Variants in CRB1 observed in about 807,000 individuals in gnomAD.
The protein encoded by CRB1 is protein crumbs homolog 1.
A neutral mutation model predicts 120.0 loss-of-function variants in CRB1; 83 were observed. The observed-to-expected ratio is 0.69, with a 90% CI of 0.58 to 0.83. The LOEUF is 0.83. Ranked by LOEUF, CRB1 falls within the 40% of genes least tolerant of loss-of-function variation. The pLI is 0.00. For missense variants in CRB1, 1,699 were observed against 1,687.6 expected (o/e 1.01, Z -0.12); for synonymous variants, 625 against 612.5 (o/e 1.02, Z -0.30).
chr1:197,311,035 C>A (rs1426638117), intron 1 of CRB1, among the ~76,000 whole-genome samples: 1 of 152,178 alleles, frequency 6.6e-6, no homozygotes, highest in Admixed American at 6.5e-5. Context: ...ACTTAAAAAG[C>A]TAAGCTAACT....
At chr1:197,387,163 T>C (rs1225537690) in intron 5 of CRB1, among the ~76,000 whole-genome samples, 4 of 151,976 alleles carry the variant, frequency 2.6e-5, no homozygotes, top group Non-Finnish European at 5.9e-5. Context: ...AGGGCAGTGG[T>C]GTATTCTGGG....
At chr1:197,260,380 ATCAT>A in the CRB1 span, among the ~76,000 whole-genome samples, 2 of 152,180 alleles carry the variant, frequency 1.3e-5, no homozygotes, top group Admixed American at 1.3e-4. Flanking sequence ...TGTAAGTTAG[ATCAT>A]TCATAAAAAT....
intron 1 of CRB1, among the ~76,000 whole-genome samples, chr1:197,297,404 C>T (rs914699112): frequency 9.2e-5 from 14 of 152,020 alleles, no homozygotes; most frequent in African/African-American, 3.4e-4. Context: ...GAAGGATCCA[C>T]GATGAACCTG....
chr1:197,239,794 T>C, the CRB1 span, among the ~76,000 whole-genome samples: 1 of 150,642 alleles, frequency 6.6e-6, no homozygotes, highest in Non-Finnish European at 1.5e-5. Context: ...ATATATCCAT[T>C]TTAATATCTC....
chr1:197,419,023 A>G (rs1238685973), intron 5 of CRB1, among the ~76,000 whole-genome samples: 1 of 152,206 alleles, frequency 6.6e-6, no homozygotes, highest in Non-Finnish European at 1.5e-5. Context: ...TATTGGCCAA[A>G]ACTTATTGAG....
the CRB1 span, among the ~76,000 whole-genome samples, chr1:197,258,179 A>AT: frequency 2.0e-5 from 3 of 152,158 alleles, no homozygotes; most frequent in Non-Finnish European, 4.4e-5. Flanking sequence ...GTATAATTGG[A>AT]TTTTTTGTAA....
At chr1:197,434,626 G>T (rs985875779) in intron 8 of CRB1, 80 bp from the exon 9 acceptor site, 2 of 1,218,816 alleles carry the variant, frequency 1.6e-6, no homozygotes, top group Non-Finnish European at 2.4e-6. Flanking sequence ...TTAACACAAT[G>T]ATCATTACTA....
chr1:197,331,582 T>G (rs1658858880), intron 2 of CRB1, among the ~76,000 whole-genome samples: 1 of 152,156 alleles, frequency 6.6e-6, no homozygotes, highest in African/African-American at 2.4e-5. Flanking sequence ...GAAATTTTTG[T>G]GGGGCTGGCT....
intron 5 of CRB1, among the ~76,000 whole-genome samples, chr1:197,378,761 T>A (rs1316203166): frequency 6.6e-6 from 1 of 152,234 alleles, no homozygotes; most frequent in Non-Finnish European, 1.5e-5. Flanking sequence ...TACTCTCTAC[T>A]GATAAAACTG....
intron 1 of CRB1, among the ~76,000 whole-genome samples, chr1:197,292,975 G>A (rs1291843599): frequency 1.3e-5 from 2 of 152,034 alleles, no homozygotes; most frequent in East Asian, 1.9e-4. Context: ...GGCAAAAACT[G>A]GAAGCATTCC....
intron 1 of CRB1, among the ~76,000 whole-genome samples, chr1:197,279,315 G>A (rs1366506412): frequency 6.6e-6 from 1 of 151,616 alleles, no homozygotes; most frequent in African/African-American, 2.4e-5. Context: ...ATATTGCAAG[G>A]AGCTACTTAA....
At chr1:197,432,557 T>C (rs1664925634) in intron 8 of CRB1, among the ~76,000 whole-genome samples, 1 of 152,170 alleles carries the variant, frequency 6.6e-6, no homozygotes, top group African/African-American at 2.4e-5. Context: ...AGAGTATTCA[T>C]TTAATTATGT....
chr1:197,330,199 C>G (rs2125306706), intron 2 of CRB1, among the ~76,000 whole-genome samples: 1 of 152,272 alleles, frequency 6.6e-6, no homozygotes, highest in Middle Eastern at 3.4e-3. Context: ...TCTTCAGAAT[C>G]TGCTGTTTTG....
intron 1 of CRB1, among the ~76,000 whole-genome samples, chr1:197,280,279 C>T (rs917375363): frequency 2.6e-5 from 4 of 151,700 alleles, no homozygotes; most frequent in African/African-American, 4.8e-5. Context: ...AATTGTTAAT[C>T]GTAAATCAGA....
chr1:197,404,441 C>CAAAAAAAAAAAAAAAAAAAAAAAAAAA (rs558125777), intron 5 of CRB1, among the ~76,000 whole-genome samples: 1 of 58,722 alleles, frequency 1.7e-5, no homozygotes, highest in African/African-American at 5.9e-5. Flanking sequence ...GACTCCGTCT[C>CAAAAAAAAAAAAAAAAAAAAAAAAAAA]AAAAAAAAAA....
intron 1 of CRB1, among the ~76,000 whole-genome samples, chr1:197,326,015 CTG>C (rs1658473248): frequency 6.6e-6 from 1 of 151,960 alleles, no homozygotes; most frequent in African/African-American, 2.4e-5. Context: ...TAAGAAAAGA[CTG>C]AGTATACTGA....
rs1280443561 is a variant in CRB1 at position 197,421,707 on chromosome 1, C to G, written c.1879C>G (p.Leu627Val). 4 of 1,614,046 alleles carry G rather than the reference C, an allele frequency of 2.5e-6. No individual in the cohort carries two copies. Among genetic ancestry groups the G allele is most frequent in the Non-Finnish European group, 2.5e-6 (3 of 1,180,036 alleles). Residue 627 changes from leucine to valine, a missense_variant, in exon 6 of 12, where the codon CTG (leucine) becomes GTG (valine). Leu to Val is a conservative substitution (Grantham distance 32, BLOSUM62 1). Coordinates refer to ENST00000367400, the MANE Select transcript of CRB1 (RefSeq NM_201253.3). ...PVGMTSNGVALLNFYNMPSTP... is the reference protein window; with the variant it reads ...PVGMTSNGVAVLNFYNMPSTP... ...GGGAATGACCAGCAATGGTGTTGCT[C>G]TGCTTAACTTCTATAATATGCCATC...
At chr1:197,396,473 G>A (rs2125424027) in intron 5 of CRB1, among the ~76,000 whole-genome samples, 1 of 152,102 alleles carries the variant, frequency 6.6e-6, no homozygotes, top group East Asian at 1.9e-4. Context: ...TTGATAGGCT[G>A]ATTCTAAAAT....
intron 8 of CRB1, among the ~76,000 whole-genome samples, chr1:197,430,307 A>T (rs1188513821): frequency 6.6e-6 from 1 of 152,088 alleles, no homozygotes; most frequent in Non-Finnish European, 1.5e-5. Flanking sequence ...TTAATAGCCA[A>T]CCCTCTAAGT....
Sources: gnomAD v4.1 joint callset for allele counts (sites outside exome capture counted in the v4.1 genomes callset) on GRCh38, gnomAD v4.1.1 for gene constraint, MANE v1.5 for transcripts, NCBI Gene and HGNC (gene_info 2026-07-23, HGNC 2026-07-21) for gene names.